Variants in ZNF804A observed in about 807,000 individuals in gnomAD.
ZNF804A encodes the protein zinc finger protein 804A.
A neutral mutation model predicts 16.5 loss-of-function variants in ZNF804A; 2 were observed. The ratio of observed to expected loss-of-function variants is 0.12; its 90% CI spans 0.05 to 0.38. The LOEUF (loss-of-function observed/expected upper bound fraction) is 0.38, where lower values mean the gene tolerates loss of function less well. Among genes scored for constraint, ZNF804A ranks in the 10% least tolerant of loss-of-function variants. The pLI is 0.99. For missense variants in ZNF804A, 1,473 were observed against 1,390.7 expected, an observed-to-expected ratio of 1.06 and a Z score of -0.94; for synonymous variants, 534 against 489.6, an observed-to-expected ratio of 1.09 and a Z score of -1.20.
intron 1 of ZNF804A, among the ~76,000 whole-genome samples, chr2:184,748,613 CAGA>C (rs1052103646): frequency 6.6e-6 from 1 of 151,342 alleles, no homozygotes; most frequent in Non-Finnish European, 1.5e-5. Flanking sequence ...TTAGGCTATG[CAGA>C]AGTTCTTATT....
chr2:184,867,045 A>G (rs1016278214), intron 2 of ZNF804A, among the ~76,000 whole-genome samples: 31 of 151,858 alleles, frequency 2.0e-4, no homozygotes, highest in Non-Finnish European at 1.3e-4. Flanking sequence ...TACTTAATAT[A>G]TCTATGATTT....
At chr2:184,729,320 A>T (rs1200362728) in intron 1 of ZNF804A, among the ~76,000 whole-genome samples, 1 of 151,230 alleles carries the variant, frequency 6.6e-6, no homozygotes, top group African/African-American at 2.4e-5. Context: ...AATTAAAATA[A>T]TTTTTTTTTA....
intron 1 of ZNF804A, among the ~76,000 whole-genome samples, chr2:184,710,128 T>C (rs1255741749): frequency 6.6e-6 from 1 of 151,406 alleles, no homozygotes; most frequent in Non-Finnish European, 1.5e-5. Context: ...AGTGGTCTTG[T>C]ATTTTTAATT....
chr2:184,751,789 CA>C (rs546719210), intron 1 of ZNF804A, among the ~76,000 whole-genome samples: 191 of 151,552 alleles, frequency 1.3e-3, no homozygotes, highest in Non-Finnish European at 2.4e-3. Flanking sequence ...AAGAAAGATA[CA>C]AACAACCACA....
chr2:184,599,099 C>CTT, intron 1 of ZNF804A, 29 bp downstream of exon 1: 1 of 1,509,846 alleles, frequency 6.6e-7, no homozygotes, highest in Non-Finnish European at 9.2e-7. Context: ...CTCTCTCTCT[C>CTT]TCTCATATTT....
Position 184,786,338 on chromosome 2 carries a change from G to A in ZNF804A, c.112-80031G>A, listed in dbSNP as rs918936144. On this transcript the variant is annotated intron_variant, in intron 1 of 3. Transcript: ENST00000302277. ...TTAAAAAAATTGAAACATTTTGTAA[G>A]CAATTCCCTAATAACTTTTTTTATA... Among the ~76,000 whole-genome samples the A allele has an allele frequency of 5.3e-5, 8 of 151,954 alleles. No homozygotes were observed. In the South Asian group the frequency reaches 1.7e-3, roughly 32 times the overall value.
chr2:184,726,932 G>A (rs1693421999), intron 1 of ZNF804A, among the ~76,000 whole-genome samples: 1 of 151,434 alleles, frequency 6.6e-6, no homozygotes, highest in Non-Finnish European at 1.5e-5. Context: ...TGTTAATACA[G>A]CATAATAATA....
chr2:184,821,227 T>C (rs904961528), intron 1 of ZNF804A, among the ~76,000 whole-genome samples: 1 of 151,846 alleles, frequency 6.6e-6, no homozygotes, highest in African/African-American at 2.4e-5. Flanking sequence ...CATAGACCAA[T>C]GGAACAAAAT....
At chr2:184,812,211 C>T (rs1429593419) in intron 1 of ZNF804A, among the ~76,000 whole-genome samples, 1 of 152,182 alleles carries the variant, frequency 6.6e-6, no homozygotes, top group Admixed American at 6.5e-5. Context: ...TAATATTCAA[C>T]TAAAATGAAA....
intron 1 of ZNF804A, among the ~76,000 whole-genome samples, chr2:184,770,044 T>G (rs1694188124): frequency 6.6e-6 from 1 of 152,056 alleles, no homozygotes; most frequent in Non-Finnish European, 1.5e-5. Context: ...ATAAATAAGC[T>G]TAAGTATATA....
intron 1 of ZNF804A, among the ~76,000 whole-genome samples, chr2:184,642,845 T>C (rs149062517): frequency 6.6e-6 from 1 of 152,298 alleles, no homozygotes; most frequent in East Asian, 1.9e-4. Context: ...CTAGATTCTT[T>C]GCATGTTGAA....
At chr2:184,880,899 A>G (rs1051266761) in intron 2 of ZNF804A, among the ~76,000 whole-genome samples, 4 of 152,120 alleles carry the variant, frequency 2.6e-5, no homozygotes, top group Admixed American at 1.3e-4. Context: ...TCATCTTTAA[A>G]TATTGTTAAA....
rs534513838 is a variant in ZNF804A at position 184,758,674 on chromosome 2, A to C, written c.112-107695A>C. 1.4e-3 allele frequency among the ~76,000 whole-genome samples: 219 copies of C among 152,098 alleles called. 1 individual carries two copies. The highest frequency in any genetic ancestry group is 4.8e-3 in the African/African-American group (198 of 41,562). On this transcript the variant is annotated intron_variant, in intron 1 of 3. Transcript: ENST00000302277. Reference sequence around the variant, plus strand: ...TTAAACTGATTTTGAACCTTTAAACAGTGGATTTTACAGTTATTAATATGC... The same window carrying C: ...TTAAACTGATTTTGAACCTTTAAACCGTGGATTTTACAGTTATTAATATGC...
chr2:184,908,931 C>G (rs1026130295), intron 2 of ZNF804A, among the ~76,000 whole-genome samples: 1 of 152,126 alleles, frequency 6.6e-6, no homozygotes, highest in Non-Finnish European at 1.5e-5. Context: ...AAAAGCATCA[C>G]TCTCCCTTGC....
Position 184,911,069 on chromosome 2 carries a change from G to A in ZNF804A, c.256-22534G>A, listed in dbSNP as rs145772012. ...TTTCCCAACATCAATGTCCAGAATG[G>A]TGTTTACCAGGTTTTCTTCTACGAT... On this transcript the variant is annotated intron_variant, in intron 2 of 3. Transcript: ENST00000302277. 6.2e-3 allele frequency among the ~76,000 whole-genome samples: 941 copies of A among 152,028 alleles called. 8 individuals are homozygous for A. Among genetic ancestry groups the A allele is most frequent in the Middle Eastern group, 0.061 (18 of 294 alleles).
At chr2:184,847,339 C>A (rs568690758) in intron 1 of ZNF804A, among the ~76,000 whole-genome samples, 6 of 152,154 alleles carry the variant, frequency 3.9e-5, no homozygotes, top group Admixed American at 1.3e-4. Flanking sequence ...TTCAGTATAT[C>A]TGTGACTTTT....
intron 1 of ZNF804A, among the ~76,000 whole-genome samples, chr2:184,862,691 T>C (rs1462140209): frequency 6.6e-6 from 1 of 152,156 alleles, no homozygotes; most frequent in Admixed American, 6.5e-5. Context: ...AGTATAATTT[T>C]AATTTTTTTC....
chr2:184,872,405 G>C (rs756093690), intron 2 of ZNF804A, among the ~76,000 whole-genome samples: 1 of 152,062 alleles, frequency 6.6e-6, no homozygotes, highest in African/African-American at 2.4e-5. Flanking sequence ...ATTATTCACA[G>C]ATCCTATGAT....
At chr2:184,704,950 G>A (rs1026550431) in intron 1 of ZNF804A, among the ~76,000 whole-genome samples, 7 of 152,130 alleles carry the variant, frequency 4.6e-5, no homozygotes, top group Non-Finnish European at 7.3e-5. Context: ...ATTACAATTG[G>A]TTAAACAATT....
Sources: gnomAD v4.1 joint callset for allele counts (sites outside exome capture counted in the v4.1 genomes callset) on GRCh38, gnomAD v4.1.1 for gene constraint, MANE v1.5 for transcripts, NCBI Gene and HGNC (gene_info 2026-07-23, HGNC 2026-07-21) for gene names.